Variants in NCALD observed in about 807,000 individuals in gnomAD.
The protein encoded by NCALD is neurocalcin-delta.
Under a neutral mutation model 18.6 loss-of-function variants are expected in NCALD, and 10 were observed. The observed-to-expected ratio is 0.54, with a 90% CI of 0.33 to 0.91. The LOEUF is 0.91. NCALD is among the 40% of genes least tolerant of loss of function. The pLI is 0.03. For synonymous variants in NCALD, 88 were observed against 87.4 expected (o/e 1.01, Z -0.04); for missense variants, 184 against 247.6 (o/e 0.74, Z 1.72).
At chr8:101,974,343 C>T (rs918369920) in intron 2 of NCALD, among the ~76,000 whole-genome samples, 5 of 152,094 alleles carry the variant, frequency 3.3e-5, no homozygotes, top group African/African-American at 1.2e-4. Context: ...GTTTCCTTTG[C>T]AAATTTACCT....
rs1181897783 is a variant in NCALD at position 101,836,912 on chromosome 8, G to A, written c.-20+50229C>T. ...TTCCTTATGGCTTAAAGAGAATCTTGATAGATTCTAAATAAGTATTAGTTA... is the reference window on the plus strand; with the variant it reads ...TTCCTTATGGCTTAAAGAGAATCTTAATAGATTCTAAATAAGTATTAGTTA... On this transcript the variant is annotated intron_variant, in intron 4 of 6. Coordinates refer to the NCALD transcript ENST00000311028. Among the ~76,000 whole-genome samples the A allele has an allele frequency of 9.2e-5, 14 of 152,310 alleles. No homozygotes were observed. In the South Asian group the frequency reaches 2.9e-3, roughly 32 times the overall value.
chr8:101,708,719 G>C (rs1297841199), intron 2 of NCALD, among the ~76,000 whole-genome samples: 1 of 152,166 alleles, frequency 6.6e-6, no homozygotes, highest in Non-Finnish European at 1.5e-5. Flanking sequence ...GGTACTAAGG[G>C]AGCAGAATCA....
chr8:102,088,458 G>T (rs1215757643), intron 1 of NCALD, among the ~76,000 whole-genome samples: 3 of 151,990 alleles, frequency 2.0e-5, no homozygotes, highest in Non-Finnish European at 2.9e-5. Context: ...GACTGCTATG[G>T]TTAAAAGTCA....
At chr8:101,968,819 A>G (rs1335806932) in intron 2 of NCALD, among the ~76,000 whole-genome samples, 2 of 152,168 alleles carry the variant, frequency 1.3e-5, no homozygotes, top group South Asian at 4.1e-4. Context: ...CCTCCAAGTA[A>G]AATCCCAGCA....
chr8:101,993,373 T>C (rs2131992569), intron 2 of NCALD, among the ~76,000 whole-genome samples: 1 of 152,220 alleles, frequency 6.6e-6, no homozygotes, highest in Middle Eastern at 3.4e-3. Flanking sequence ...AACTACTAGG[T>C]TGGTAACAGA....
intron 1 of NCALD, among the ~76,000 whole-genome samples, chr8:101,733,572 T>C (rs1268840995): frequency 1.3e-5 from 2 of 152,168 alleles, no homozygotes; most frequent in Admixed American, 6.5e-5. Context: ...TCGCTAAACA[T>C]GGACTATTCA....
At chr8:101,976,706 A>G (rs1195967641) in intron 2 of NCALD, among the ~76,000 whole-genome samples, 2 of 152,214 alleles carry the variant, frequency 1.3e-5, no homozygotes, top group Admixed American at 1.3e-4. Flanking sequence ...ATTCAACAAT[A>G]TAAACTAAGC....
At chr8:101,690,944 TCTTCA>T (rs1265922648) in intron 3 of NCALD, 4 of 985,308 alleles carry the variant, frequency 4.1e-6, no homozygotes, top group Non-Finnish European at 4.8e-6. Context: ...CGTCTGGCTT[TCTTCA>T]CTTAACTGTC....
intron 3 of NCALD, among the ~76,000 whole-genome samples, chr8:101,914,462 C>G (rs887260010): frequency 5.3e-5 from 8 of 152,224 alleles, no homozygotes; most frequent in Admixed American, 2.6e-4. Flanking sequence ...TACTTTTTCC[C>G]CTCCCTTTCT....
At chr8:101,971,603 G>A (rs985903730) in intron 2 of NCALD, among the ~76,000 whole-genome samples, 2 of 151,952 alleles carry the variant, frequency 1.3e-5, no homozygotes, top group Non-Finnish European at 2.9e-5. Context: ...CCCTGGCAAC[G>A]TGGAACTGTG....
chr8:102,069,307 T>C (rs991493229), intron 1 of NCALD, among the ~76,000 whole-genome samples: 11 of 152,138 alleles, frequency 7.2e-5, no homozygotes, highest in Non-Finnish European at 1.5e-4. Flanking sequence ...AACATCACAT[T>C]ATATCCCATA....
chr8:101,872,077 T>C, intron 4 of NCALD: 3 of 1,488,506 alleles, frequency 2.0e-6, no homozygotes, highest in Non-Finnish European at 2.8e-6. Flanking sequence ...CCTATCAGGA[T>C]AATTGGGTAT....
At chr8:101,778,621 A>G (rs977342455) in intron 1 of NCALD, among the ~76,000 whole-genome samples, 1 of 152,178 alleles carries the variant, frequency 6.6e-6, no homozygotes, top group Non-Finnish European at 1.5e-5. Context: ...TTTGAGATCC[A>G]GAAGACAAAA....
At chr8:102,006,124 A>G (rs1351862341) in intron 2 of NCALD, among the ~76,000 whole-genome samples, 1 of 152,082 alleles carries the variant, frequency 6.6e-6, no homozygotes, top group Non-Finnish European at 1.5e-5. Context: ...CTCAAAATCC[A>G]TGATCAATTC....
intron 1 of NCALD, among the ~76,000 whole-genome samples, chr8:102,080,052 C>T (rs1346788659): frequency 2.0e-5 from 3 of 152,192 alleles, no homozygotes; most frequent in African/African-American, 7.2e-5. Context: ...TTTCACTGCA[C>T]TTCTCAAGCC....
chr8:101,892,511 G>T (rs990988190), intron 3 of NCALD, among the ~76,000 whole-genome samples: 4 of 149,596 alleles, frequency 2.7e-5, no homozygotes, highest in African/African-American at 1.0e-4. Context: ...AAGCTGGATG[G>T]AGAATGACTT....
At chr8:101,837,254 T>C (rs1348994094) in intron 4 of NCALD, among the ~76,000 whole-genome samples, 2 of 152,028 alleles carry the variant, frequency 1.3e-5, no homozygotes, top group Non-Finnish European at 2.9e-5. Flanking sequence ...CCCTGTGTCC[T>C]TGGTTGATGC....
At chr8:102,123,099 A>C (rs1276554899) in intron 1 of NCALD, among the ~76,000 whole-genome samples, 1 of 152,244 alleles carries the variant, frequency 6.6e-6, no homozygotes. Flanking sequence ...AAACCTCACA[A>C]GCATTTCCAC....
At chr8:102,118,769 C>T (rs138841765) in intron 1 of NCALD, among the ~76,000 whole-genome samples, 8 of 152,030 alleles carry the variant, frequency 5.3e-5, no homozygotes, top group African/African-American at 1.2e-4. Context: ...CCAAACCTTC[C>T]GATCATGCCA....
Sources: gnomAD v4.1 joint callset for allele counts (sites outside exome capture counted in the v4.1 genomes callset) on GRCh38, gnomAD v4.1.1 for gene constraint, MANE v1.5 for transcripts, NCBI Gene and HGNC (gene_info 2026-07-23, HGNC 2026-07-21) for gene names.